Variants in GPHN observed in about 807,000 individuals in gnomAD.
GPHN encodes gephyrin.
In GPHN, 17 loss-of-function variants were observed where a neutral mutation model predicts 95.5. That is an observed-to-expected ratio of 0.18 (90% CI 0.12 to 0.27). The LOEUF is 0.27. Among genes scored for constraint, GPHN ranks in the 10% least tolerant of loss-of-function variants. The probability of loss-of-function intolerance (pLI) is 1.00; values close to 1 mark genes in which losing one functional copy is unlikely to be tolerated. For missense variants in GPHN, 660 were observed against 978.1 expected (o/e 0.67, Z 4.34); for synonymous variants, 320 against 322.5 (o/e 0.99, Z 0.08).
At chr14:67,651,386 C>G in the GPHN span, 1 of 1,613,766 alleles carries the variant, frequency 6.2e-7, no homozygotes, top group Non-Finnish European at 8.5e-7. Flanking sequence ...TATAGAAGTT[C>G]AATGGCTGCG....
At chr14:67,345,235 C>T in the GPHN span, among the ~76,000 whole-genome samples, 1 of 146,324 alleles carries the variant, frequency 6.8e-6, no homozygotes, top group Admixed American at 6.8e-5. Flanking sequence ...CAGTGAGACC[C>T]CATTTCGAAA....
Position 67,032,594 on chromosome 14 carries a change from A to C in GPHN, c.1006+8919A>C, listed in dbSNP as rs115203056. On this transcript the variant is annotated intron_variant, in intron 10 of 22. Coordinates refer to ENST00000478722, the MANE Select transcript of GPHN (RefSeq NM_020806.5). ...TGATGGCTTGCTACAGCAGCACCAC[A>C]GAGCCTCCAGTGCTGCAGACAGACA... Among the ~76,000 whole-genome samples the C allele has an allele frequency of 3.0e-3, 452 of 152,300 alleles. 3 individuals carry two copies. The highest frequency in any genetic ancestry group is 0.01 in the African/African-American group (434 of 41,554).
chr14:67,338,668 C>CA, the GPHN span: 1 of 1,614,122 alleles, frequency 6.2e-7, no homozygotes, highest in Non-Finnish European at 8.5e-7. Flanking sequence ...AGAAGATTAG[C>CA]AGGCTCCAAC....
intron 1 of GPHN, among the ~76,000 whole-genome samples, chr14:66,617,453 G>T (rs558367309): frequency 2.0e-5 from 3 of 152,184 alleles, no homozygotes; most frequent in Non-Finnish European, 2.9e-5. Context: ...TGGCTATGGG[G>T]AGGGTGTTCC....
chr14:67,115,935 T>C (rs1189615473), intron 16 of GPHN, among the ~76,000 whole-genome samples: 1 of 152,220 alleles, frequency 6.6e-6, no homozygotes, highest in Non-Finnish European at 1.5e-5. Flanking sequence ...ATTGGGGATA[T>C]AGAGTTATCA....
At chr14:67,182,677 C>T (rs575954608), downstream of GPHN, among the ~76,000 whole-genome samples, 1 of 152,060 alleles carries the variant, frequency 6.6e-6, no homozygotes, top group African/African-American at 2.4e-5. Context: ...TGACCTTACA[C>T]TTCATTAGGG....
chr14:66,592,661 G>A (rs12745018), intron 1 of GPHN, among the ~76,000 whole-genome samples: 1 of 152,180 alleles, frequency 6.6e-6, no homozygotes, highest in Non-Finnish European at 1.5e-5. Flanking sequence ...ACAGATGCTG[G>A]AGTGGATGTG....
rs1371217400 is a variant in GPHN at position 66,516,076 on chromosome 14, A to C, written c.64+7485A>C. Among the ~76,000 whole-genome samples the C allele has an allele frequency of 2.0e-5, 3 of 151,190 alleles. No individual in the cohort carries two copies. In the East Asian group the frequency reaches 5.8e-4, roughly 29 times the overall value. The stretch of plus-strand genomic sequence containing the variant: ...GGCTGGAATGCAGTGGTGCGATCTC[A>C]GCTTGCTGCAACCTCTGCCTCCCGG... On this transcript the variant is annotated intron_variant, in intron 1 of 22. Coordinates refer to ENST00000478722, the MANE Select transcript of GPHN (RefSeq NM_020806.5).
chr14:67,050,979 G>C (rs945638857), intron 10 of GPHN, among the ~76,000 whole-genome samples: 1 of 152,146 alleles, frequency 6.6e-6, no homozygotes, highest in African/African-American at 2.4e-5. Context: ...CACAGATCAG[G>C]AGATTCCCCT....
At chr14:66,785,078 C>T (rs750953709) in intron 3 of GPHN, among the ~76,000 whole-genome samples, 1 of 151,876 alleles carries the variant, frequency 6.6e-6, no homozygotes, top group Admixed American at 6.6e-5. Context: ...AAAAAAAAAG[C>T]AGGAGTGGGC....
the GPHN span, chr14:67,387,245 A>G: frequency 2.1e-5 from 29 of 1,379,420 alleles, no homozygotes; most frequent in Non-Finnish European, 2.2e-5. Flanking sequence ...AAAGAAGTCA[A>G]AAGTCTTAAC....
At chr14:67,302,384 T>TA in the GPHN span, 1 of 1,343,556 alleles carries the variant, frequency 7.4e-7, no homozygotes, top group Non-Finnish European at 9.7e-7. Context: ...TTTTTATTTT[T>TA]AAATTATACA....
chr14:67,059,043 CTGT>C, intron 11 of GPHN: 2 of 560,618 alleles, frequency 3.6e-6, no homozygotes, highest in Non-Finnish European at 3.1e-6. Context: ...AGAAAATCAG[CTGT>C]GTTTCTGCTG....
At chr14:67,731,163 CAT>C in the GPHN span, among the ~76,000 whole-genome samples, 3 of 149,798 alleles carry the variant, frequency 2.0e-5, no homozygotes, top group Admixed American at 6.6e-5. Flanking sequence ...TTCAAAATGA[CAT>C]ATGTGGCTCA....
At chr14:66,783,923 AGATT>A (rs2059687739) in intron 3 of GPHN, among the ~76,000 whole-genome samples, 1 of 152,210 alleles carries the variant, frequency 6.6e-6, no homozygotes. Flanking sequence ...CTGCTAAAAA[AGATT>A]AAATAGTCTC....
chr14:66,609,793 G>T (rs8018444), intron 1 of GPHN, among the ~76,000 whole-genome samples: 1 of 151,858 alleles, frequency 6.6e-6, no homozygotes, highest in Admixed American at 6.6e-5. Context: ...GTTCAGTTCG[G>T]TTCTTTTTAA....
the GPHN span, among the ~76,000 whole-genome samples, chr14:67,213,633 A>G: frequency 6.6e-6 from 1 of 152,114 alleles, no homozygotes; most frequent in Non-Finnish European, 1.5e-5. Context: ...TTACGTGTGC[A>G]TGTGTCTTTA....
At chr14:66,580,880 C>T (rs1329813907) in intron 1 of GPHN, among the ~76,000 whole-genome samples, 1 of 151,578 alleles carries the variant, frequency 6.6e-6, no homozygotes, top group African/African-American at 2.4e-5. Flanking sequence ...AAAATGCAGG[C>T]CAATATTGTT....
chr14:67,728,998 A>T, the GPHN span, among the ~76,000 whole-genome samples: 2 of 152,180 alleles, frequency 1.3e-5, no homozygotes, highest in Non-Finnish European at 2.9e-5. Flanking sequence ...GAAGGCTGAG[A>T]AGGCTATAGA....
Sources: allele counts gnomAD v4.1 joint callset (sites outside exome capture counted in the v4.1 genomes callset), GRCh38; gene constraint gnomAD v4.1.1; transcripts MANE v1.5; gene names NCBI Gene and HGNC (gene_info 2026-07-23, HGNC 2026-07-21).